Variants in SPIDR observed in about 807,000 individuals in gnomAD.
SPIDR encodes the protein scaffold protein involved in DNA repair, also known as DNA repair-scaffolding protein.
A neutral mutation model predicts 104.6 loss-of-function variants in SPIDR; 93 were observed. The ratio of observed to expected loss-of-function variants is 0.89; its 90% CI spans 0.75 to 1.06. SPIDR has a LOEUF of 1.06. SPIDR is among the 50% of genes least tolerant of loss of function. The probability of loss-of-function intolerance (pLI) is 0.00; values close to 1 mark genes in which losing one functional copy is unlikely to be tolerated. For synonymous variants in SPIDR, 431 were observed against 416.9 expected (o/e 1.03, Z -0.41); for missense variants, 1,154 against 1,111.2 (o/e 1.04, Z -0.55).
At chr8:47,676,314 C>CT (rs2076441789) in intron 11 of SPIDR, among the ~76,000 whole-genome samples, 2 of 152,126 alleles carry the variant, frequency 1.3e-5, no homozygotes, top group Non-Finnish European at 2.9e-5. Flanking sequence ...ATATTTGATG[C>CT]TTTTTTAGGT....
At chr8:47,568,800 A>AT (rs1437286968) in intron 8 of SPIDR, among the ~76,000 whole-genome samples, 1 of 152,252 alleles carries the variant, frequency 6.6e-6, no homozygotes, top group Non-Finnish European at 1.5e-5. Context: ...TCCAAGCAAG[A>AT]TAAACACTAT....
chr8:47,486,694 T>G (rs1372950362), intron 8 of SPIDR, among the ~76,000 whole-genome samples: 2 of 152,188 alleles, frequency 1.3e-5, no homozygotes, highest in African/African-American at 4.8e-5. Flanking sequence ...GGGGCCGATA[T>G]TCAACATTCT....
chr8:47,266,337 C>G (rs2034030088), intron 1 of SPIDR, among the ~76,000 whole-genome samples: 1 of 151,978 alleles, frequency 6.6e-6, no homozygotes, highest in African/African-American at 2.4e-5. Context: ...CACCGTGTTG[C>G]CCAGGCTGGT....
In SPIDR at chr8:47,619,515, C is replaced by T. The variant is rs534824599; in HGVS notation, c.1544+20319C>T. 8.5e-5 allele frequency among the ~76,000 whole-genome samples: 13 copies of T among 152,254 alleles called. 1 individual carries two copies. The East Asian group carries it at 2.5e-3, about 29-fold the overall frequency. ...AACCTCTCTCCCTGGATCTTCTGCC[C>T]CTTGGAACTGACGCTTCCTCTCAGG... On this transcript the variant is annotated intron_variant, in intron 10 of 19. Transcript: ENST00000297423.
chr8:47,555,058 T>C (rs2091154202), intron 8 of SPIDR, among the ~76,000 whole-genome samples: 1 of 152,156 alleles, frequency 6.6e-6, no homozygotes, highest in African/African-American at 2.4e-5. Flanking sequence ...TACTTATGAG[T>C]AAACAAGTGG....
chr8:47,682,525 A>C (rs2077236331), intron 11 of SPIDR, among the ~76,000 whole-genome samples: 1 of 152,210 alleles, frequency 6.6e-6, no homozygotes, highest in South Asian at 2.1e-4. Flanking sequence ...TAATTTCATG[A>C]GGTTTTAATT....
At chr8:47,729,113 G>A (rs969782573) in intron 18 of SPIDR, 66 bp downstream of exon 18, 3 of 1,584,328 alleles carry the variant, frequency 1.9e-6, no homozygotes, top group Admixed American at 1.8e-5. Context: ...GTGAGACAGA[G>A]CTGAAGCAGG....
At chr8:47,268,868 T>C (rs999396522) in intron 1 of SPIDR, among the ~76,000 whole-genome samples, 2 of 152,322 alleles carry the variant, frequency 1.3e-5, no homozygotes, top group East Asian at 3.9e-4. Flanking sequence ...TAGGATTTCC[T>C]GTGTACAAGG....
At chr8:47,535,101 CAG>C (rs1336407976) in intron 8 of SPIDR, among the ~76,000 whole-genome samples, 4 of 152,092 alleles carry the variant, frequency 2.6e-5, no homozygotes, top group Admixed American at 2.6e-4. Flanking sequence ...CAAGGAGAAA[CAG>C]ATAATCTGAA....
intron 8 of SPIDR, among the ~76,000 whole-genome samples, chr8:47,577,196 T>A (rs930218034): frequency 1.3e-5 from 2 of 152,244 alleles, no homozygotes; most frequent in South Asian, 4.1e-4. Flanking sequence ...GAGTGAGATC[T>A]TTATTGTTAG....
chr8:47,401,133 A>C (rs1348279818), intron 6 of SPIDR, among the ~76,000 whole-genome samples: 1 of 152,184 alleles, frequency 6.6e-6, no homozygotes, highest in Non-Finnish European at 1.5e-5. Context: ...CTAACAGAGA[A>C]TCTCTCGGCA....
intron 5 of SPIDR, among the ~76,000 whole-genome samples, chr8:47,351,844 G>T (rs993082012): frequency 6.6e-6 from 1 of 152,152 alleles, no homozygotes; most frequent in Non-Finnish European, 1.5e-5. Context: ...TTTAGATCAG[G>T]AACTTGAGCA....
chr8:47,419,990 T>G (rs1377111319), intron 7 of SPIDR, among the ~76,000 whole-genome samples: 2 of 152,236 alleles, frequency 1.3e-5, no homozygotes, highest in Non-Finnish European at 2.9e-5. Context: ...CAGTTTGTTA[T>G]AATTTCTGTT....
intron 8 of SPIDR, among the ~76,000 whole-genome samples, chr8:47,504,217 T>C (rs1049550858): frequency 7.2e-5 from 11 of 152,230 alleles, no homozygotes; most frequent in South Asian, 2.1e-4. Context: ...CTGGATAATA[T>C]CCTGCAGAGT....
At chr8:47,323,962 A>G (rs1554598612) in intron 5 of SPIDR, among the ~76,000 whole-genome samples, 1 of 152,090 alleles carries the variant, frequency 6.6e-6, no homozygotes. Flanking sequence ...GCTAAAAATT[A>G]TTTTCTTGAA....
chr8:47,411,725 TG>T (rs1304169301), intron 7 of SPIDR, among the ~76,000 whole-genome samples: 5 of 152,230 alleles, frequency 3.3e-5, no homozygotes, highest in Non-Finnish European at 7.3e-5. Context: ...ATGAAGTCCT[TG>T]CCCATGCCCA....
chr8:47,365,261 G>T (rs1269928050), intron 5 of SPIDR, among the ~76,000 whole-genome samples: 3 of 152,142 alleles, frequency 2.0e-5, no homozygotes, highest in Admixed American at 2.0e-4. Context: ...GCATGAGAAA[G>T]GATGGAAGCC....
chr8:47,623,912 T>C (rs1400408483), intron 10 of SPIDR, among the ~76,000 whole-genome samples: 5 of 152,148 alleles, frequency 3.3e-5, no homozygotes, highest in African/African-American at 1.2e-4. Flanking sequence ...GAACTGTCCA[T>C]CCCAAATCAA....
intron 5 of SPIDR, among the ~76,000 whole-genome samples, chr8:47,314,015 A>G (rs2044761427): frequency 6.6e-6 from 1 of 152,238 alleles, no homozygotes; most frequent in African/African-American, 2.4e-5. Flanking sequence ...GCAATTGGTA[A>G]AAATGTAAGT....
Sources: allele counts gnomAD v4.1 joint callset (sites outside exome capture counted in the v4.1 genomes callset), GRCh38; gene constraint gnomAD v4.1.1; transcripts MANE v1.5; gene names NCBI Gene and HGNC (gene_info 2026-07-23, HGNC 2026-07-21).